The following WIPF2 variants were observed in gnomAD, a reference collection of about 807,000 sequenced individuals.
The protein encoded by WIPF2 is WAS/WASL interacting protein family member 2, also known as WAS/WASL-interacting protein family member 2.
In WIPF2, 23 loss-of-function variants were observed where a neutral mutation model predicts 38.8. The observed-to-expected ratio is 0.59, with a 90% CI of 0.43 to 0.84. The LOEUF (loss-of-function observed/expected upper bound fraction) is 0.84. WIPF2 is among the 40% of genes least tolerant of loss of function. WIPF2 has a pLI of 0.00. For synonymous variants in WIPF2, 210 were observed against 223.2 expected (o/e 0.94, Z 0.53); for missense variants, 574 against 580.5 (o/e 0.99, Z 0.11).
At chr17:40,264,340 A>G (rs867136763) in intron 4 of WIPF2, 150 bp from the exon 5 acceptor site, 2 of 660,272 alleles carry the variant, frequency 3.0e-6, no homozygotes, top group African/African-American at 1.9e-5. Flanking sequence ...AAAAAAAAAA[A>G]AAAAAAAAAA....
intron 1 of WIPF2, among the ~76,000 whole-genome samples, chr17:40,237,846 C>G (rs984056693): frequency 7.0e-6 from 1 of 142,862 alleles, no homozygotes; most frequent in Non-Finnish European, 1.5e-5. Context: ...GGGTTTCACC[C>G]TGTTGGTCAC....
At chr17:40,267,077 G>A (rs962477283) in intron 5 of WIPF2, among the ~76,000 whole-genome samples, 3 of 152,128 alleles carry the variant, frequency 2.0e-5, no homozygotes, top group Non-Finnish European at 2.9e-5. Context: ...CATCTGGAGC[G>A]TGGGAGTGTG....
intron 1 of WIPF2, among the ~76,000 whole-genome samples, chr17:40,248,318 C>G (rs1359512614): frequency 2.0e-5 from 3 of 151,678 alleles, no homozygotes; most frequent in African/African-American, 4.8e-5. Flanking sequence ...GCACCCGCCA[C>G]CGTGCCTGGC....
intron 1 of WIPF2, among the ~76,000 whole-genome samples, chr17:40,249,942 C>G (rs1291836893): frequency 6.7e-6 from 1 of 149,858 alleles, no homozygotes; most frequent in Admixed American, 6.7e-5. Flanking sequence ...AAGCAATTCT[C>G]CTGCCTCAGC....
chr17:40,245,466 C>G (rs1490996730), intron 1 of WIPF2, among the ~76,000 whole-genome samples: 1 of 152,010 alleles, frequency 6.6e-6, no homozygotes, highest in African/African-American at 2.4e-5. Flanking sequence ...CCTCAGCCTC[C>G]TGAGTAGCTG....
chr17:40,240,799 G>T (rs935170695), intron 1 of WIPF2, among the ~76,000 whole-genome samples: 1 of 151,862 alleles, frequency 6.6e-6, no homozygotes, highest in Non-Finnish European at 1.5e-5. Flanking sequence ...AAAAAAATTA[G>T]CTGGGCGTGG....
Position 40,264,893 on chromosome 17 carries a change from C to T in WIPF2, c.717C>T (p.Ile239=). Residue 239 remains isoleucine, a synonymous_variant, in exon 5 of 8, where the codon ATC becomes ATT. Coordinates refer to ENST00000323571, the MANE Select transcript of WIPF2 (RefSeq NM_133264.5). The stretch of plus-strand genomic sequence containing the variant: ...AACCACCTCCTTCCCCTGTGAATAT[C>T]AGAACAGGACCAAGTGGCCAGTCTC... ...PVKPPPSPVN[I]RTGPSGQSLA... The T allele has an allele frequency of 1.2e-6, 2 of 1,614,214 alleles. No homozygotes were observed. The highest frequency in any genetic ancestry group is 2.2e-5 in the South Asian group (2 of 91,086).
At chr17:40,223,932 G>C (rs2030363175) in intron 1 of WIPF2, among the ~76,000 whole-genome samples, 1 of 151,980 alleles carries the variant, frequency 6.6e-6, no homozygotes, top group East Asian at 1.9e-4. Context: ...CTCTGATTGG[G>C]AGAGTAACCT....
At chr17:40,273,709 CTT>C (rs1598500857) in intron 5 of WIPF2, 79 bp from the exon 6 acceptor site, 1 of 894,722 alleles carries the variant, frequency 1.1e-6, no homozygotes, top group Admixed American at 1.8e-5. Flanking sequence ...GTGTGTTACT[CTT>C]TTAGCTCATG....
chr17:40,234,297 C>T (rs577935561), intron 1 of WIPF2, among the ~76,000 whole-genome samples: 29 of 151,336 alleles, frequency 1.9e-4, no homozygotes, highest in South Asian at 1.0e-3. Flanking sequence ...ACTCGGGAGG[C>T]GCATGCCTGT....
intron 1 of WIPF2, among the ~76,000 whole-genome samples, chr17:40,242,879 C>T (rs1056440844): frequency 6.6e-6 from 1 of 152,176 alleles, no homozygotes; most frequent in African/African-American, 2.4e-5. Context: ...TACTTCAGTG[C>T]TTTCAGGATA....
At chr17:40,251,084 T>A (rs557205572) in intron 1 of WIPF2, among the ~76,000 whole-genome samples, 2 of 152,144 alleles carry the variant, frequency 1.3e-5, no homozygotes, top group East Asian at 1.9e-4. Context: ...CAGCTAATTT[T>A]TTATGTTTCT....
chr17:40,242,041 T>G (rs2031207969), intron 1 of WIPF2, among the ~76,000 whole-genome samples: 1 of 152,200 alleles, frequency 6.6e-6, no homozygotes, highest in African/African-American at 2.4e-5. Context: ...GAGGCCATGT[T>G]GGCTCTGACA....
rs1598457710 is a variant in WIPF2, at chr17:40,219,487, G to A, written c.-75G>A. ...GAGGATTCGCTCCCAGAGCAGCTGC[G>A]GCCAGGTCGGAAAGAGGCCGGGGCG... is the stretch of plus-strand genomic sequence containing the variant. On this transcript the variant is annotated 5_prime_UTR_variant, in exon 1 of 8. Transcript: ENST00000323571. 1 of 210,484 alleles carries A rather than the reference G, an allele frequency of 4.8e-6. No individual in the cohort carries two copies. The allele number at this position is 210,484 out of a possible 1,614,324, so 13.0% of individuals were successfully genotyped here. A position where few individuals can be genotyped will look rare whatever the true frequency, so the allele number is the denominator to read the frequency against.
chr17:40,225,806 G>T (rs1459467233), intron 1 of WIPF2, among the ~76,000 whole-genome samples: 1 of 151,764 alleles, frequency 6.6e-6, no homozygotes. Context: ...ACAGGCGCAC[G>T]CCACTATGCC....
At position 40,219,327 on chromosome 17, in the gene WIPF2, CG is replaced by C. The variant is rs1368269744; in HGVS notation, c.-233del. 9.3e-6 allele frequency: 3 copies of C among 321,322 alleles called. No individual in the cohort carries two copies. The highest frequency in any genetic ancestry group is 1.3e-4 in the East Asian group (2 of 15,596). The allele number at this position is 321,322 out of a possible 1,614,324, so 19.9% of individuals were successfully genotyped here. A position where few individuals can be genotyped will look rare whatever the true frequency, so the allele number is the denominator to read the frequency against. ...CCATTTTGTTCGCGGACGCTGGGGA[CG>C]GTGGGAGCAGATCCATTTCCGGGTT... On this transcript the variant is annotated 5_prime_UTR_variant, in exon 1 of 8. Coordinates refer to ENST00000323571, the MANE Select transcript of WIPF2 (RefSeq NM_133264.5).
rs768966302 is a variant in WIPF2, at chr17:40,264,739, C to G, written c.563C>G (p.Ala188Gly). The G allele has an allele frequency of 6.2e-7, 1 of 1,606,938 alleles. No individual in the cohort carries two copies. The highest frequency in any genetic ancestry group is 1.1e-5 in the South Asian group (1 of 90,030). The stretch of plus-strand genomic sequence containing the variant: ...CCACCCCCAGGGCGGCGTGCCAACG[C>G]ACCCCCCACACCTCTGCCTATGCAC... The part of the protein sequence containing the change: ...PPPPPGRRAN[A>G]PPTPLPMHSS... Residue 188 changes from alanine to glycine, a missense_variant, in exon 5 of 8, where the codon GCA becomes GGA. By Grantham distance (60) the Ala-to-Gly change is moderately conservative. Coordinates refer to ENST00000323571, the MANE Select transcript of WIPF2 (RefSeq NM_133264.5).
chr17:40,227,040 C>CTATT, intron 1 of WIPF2, among the ~76,000 whole-genome samples: 1 of 151,644 alleles, frequency 6.6e-6, no homozygotes, highest in South Asian at 2.1e-4. Flanking sequence ...CACGCCCAGC[C>CTATT]TATTTATTTA....
chr17:40,235,694 C>T (rs2030942044), intron 1 of WIPF2, among the ~76,000 whole-genome samples: 1 of 151,294 alleles, frequency 6.6e-6, no homozygotes, highest in South Asian at 2.1e-4. Flanking sequence ...CTACCTCAGC[C>T]TCCCGAGTAG....
Sources: allele counts gnomAD v4.1 joint callset (sites outside exome capture counted in the v4.1 genomes callset), GRCh38; gene constraint gnomAD v4.1.1; transcripts MANE v1.5; gene names NCBI Gene and HGNC (gene_info 2026-07-23, HGNC 2026-07-21).